ASIC1: variants seen among roughly 807,000 people sequenced by gnomAD.
The protein encoded by ASIC1 is acid-sensing ion channel 1.
ASIC1 carries 21 observed loss-of-function variants against 63.4 expected under a neutral mutation model. The ratio of observed to expected loss-of-function variants is 0.33; its 90% CI spans 0.23 to 0.48. ASIC1 has a LOEUF of 0.48. Among genes scored for constraint, ASIC1 ranks in the 20% least tolerant of loss-of-function variants. The pLI is 0.99. For missense variants in ASIC1, 478 were observed against 695.5 expected (o/e 0.69, Z 3.52); for synonymous variants, 258 against 278.2 (o/e 0.93, Z 0.72).
At chr12:50,080,971 G>T in intron 9 of ASIC1, 131 bp from the exon 10 acceptor site, 1 of 911,018 alleles carries the variant, frequency 1.1e-6, no homozygotes, top group South Asian at 1.6e-5. Context: ...CCTGAATCTG[G>T]CTTTGCGATC....
intron 9 of ASIC1, chr12:50,080,899 C>T: frequency 2.4e-6 from 2 of 829,344 alleles, no homozygotes; most frequent in South Asian, 1.6e-5. Context: ...TTGAAAAACA[C>T]CTGCTTGTTT....
intron 3 of ASIC1, among the ~76,000 whole-genome samples, chr12:50,060,550 G>A (rs1390159668): frequency 6.6e-6 from 1 of 152,236 alleles, no homozygotes; most frequent in Non-Finnish European, 1.5e-5. Flanking sequence ...CACATACACT[G>A]TTTGGTTAGG....
At chr12:50,062,140 T>A (rs1001622284) in intron 3 of ASIC1, among the ~76,000 whole-genome samples, 5 of 152,184 alleles carry the variant, frequency 3.3e-5, no homozygotes, top group Non-Finnish European at 5.9e-5. Flanking sequence ...CCCATAGGGA[T>A]GTTCCCACAC....
chr12:50,077,431 G>A, intron 4 of ASIC1, 68 bp downstream of exon 4: 2 of 1,597,292 alleles, frequency 1.3e-6, no homozygotes, highest in Non-Finnish European at 1.7e-6. Flanking sequence ...GGGATTCCTG[G>A]GCTTCACTGT....
chr12:50,077,106 A>G (rs778032982), intron 3 of ASIC1, 107 bp from the exon 4 acceptor site: 1 of 1,564,472 alleles, frequency 6.4e-7, no homozygotes, highest in Non-Finnish European at 8.8e-7. Flanking sequence ...GGGAGGAACC[A>G]TTCCCAAAGG....
intron 3 of ASIC1, among the ~76,000 whole-genome samples, chr12:50,061,270 T>C (rs911971219): frequency 2.6e-5 from 4 of 152,206 alleles, no homozygotes; most frequent in Non-Finnish European, 5.9e-5. Flanking sequence ...GCTTAGTGTT[T>C]CTAGCTGTGC....
At chr12:50,080,417 G>C in intron 8 of ASIC1, 81 bp from the exon 9 acceptor site, 1 of 1,337,708 alleles carries the variant, frequency 7.5e-7, no homozygotes, top group Non-Finnish European at 1.1e-6. Context: ...ATTCAGAGAG[G>C]CTGCCTTGCC....
intron 3 of ASIC1, among the ~76,000 whole-genome samples, chr12:50,067,185 C>G (rs892166929): frequency 6.6e-6 from 1 of 152,134 alleles, no homozygotes; most frequent in Non-Finnish European, 1.5e-5. Context: ...TTACAAAGTT[C>G]CTAAAAGTGA....
chr12:50,058,437 T>C (rs1030076516), intron 1 of ASIC1, among the ~76,000 whole-genome samples: 1 of 152,186 alleles, frequency 6.6e-6, no homozygotes, highest in Non-Finnish European at 1.5e-5. Flanking sequence ...TGGAGGGAAC[T>C]CCTGCGCCTG....
chr12:50,071,596 G>A lies in ASIC1; in HGVS notation c.559-5617G>A, dbSNP rs117537561. On this transcript the variant is annotated intron_variant, in intron 3 of 11. Coordinates refer to ENST00000447966, the MANE Select transcript of ASIC1 (RefSeq NM_001095.4). ...CACGCCTGGCTGCTTTCAGCTTTGT[G>A]GGGCTACAAGAGAGGACTAAATTTT... Among the ~76,000 whole-genome samples the A allele has an allele frequency of 1.5e-3, 222 of 152,104 alleles. 1 individual carries two copies. The highest frequency in any genetic ancestry group is 2.3e-3 in the Non-Finnish European group (156 of 67,986).
chr12:50,063,428 G>A (rs958959471), intron 3 of ASIC1, among the ~76,000 whole-genome samples: 17 of 152,314 alleles, frequency 1.1e-4, no homozygotes, highest in Admixed American at 3.3e-4. Context: ...TTTGCCTAGC[G>A]GAGAGAGAAG....
chr12:50,057,975 A>T lies in ASIC1; in HGVS notation c.-17+59A>T, dbSNP rs1274171083. On this transcript the variant is annotated intron_variant, in intron 1 of 11. Transcript: ENST00000447966. The surrounding 1 kb of genome is among the most constrained non-coding windows in gnomAD (Gnocchi z 4.7). ...GGCTCCTCGGTACCCCGAAGCCGGG[A>T]CTCTCCTCCCTCTGGATTTCCCTTG... The T allele has an allele frequency of 6.9e-6, 1 of 145,184 alleles. No individual in the cohort carries two copies. The highest frequency in any genetic ancestry group is 1.5e-5 in the Non-Finnish European group (1 of 66,726). The allele number at this position is 145,184 out of a possible 1,614,324, so 9.0% of individuals were successfully genotyped here.
intron 3 of ASIC1, among the ~76,000 whole-genome samples, chr12:50,065,787 G>T (rs1024955663): frequency 3.3e-5 from 5 of 152,200 alleles, no homozygotes; most frequent in African/African-American, 1.2e-4. Context: ...CAGTTCTGGG[G>T]GCCCAGGAGG....
In ASIC1 at chr12:50,081,253, G is replaced by A. The variant is rs750476772; in HGVS notation, c.1378-7G>A. Reference sequence around the variant, plus strand: ...CAGCCCGCCCACCTGCCCCGTCCCCGTCCTAGGTCATTAAGCACAAGCTGT... The same window carrying A: ...CAGCCCGCCCACCTGCCCCGTCCCCATCCTAGGTCATTAAGCACAAGCTGT... On this transcript the variant is annotated splice_region_variant and splice_polypyrimidine_tract_variant and intron_variant, in intron 10 of 11. Coordinates refer to ENST00000447966, the MANE Select transcript of ASIC1 (RefSeq NM_001095.4). 2.5e-6 allele frequency: 4 copies of A among 1,606,162 alleles called. No homozygotes were observed. Among genetic ancestry groups the A allele is most frequent in the South Asian group, 2.2e-5 (2 of 89,690 alleles).
At position 50,078,265 on chromosome 12, in the gene ASIC1, A is replaced by C; in HGVS notation, c.837+138A>C. Reference sequence around the variant, plus strand: ...GGCTAGTCAGAAGCATGAGTGATCGAATGAACAAGAATGCTCTGTAAACTC... The same window carrying C: ...GGCTAGTCAGAAGCATGAGTGATCGCATGAACAAGAATGCTCTGTAAACTC... On this transcript the variant is annotated intron_variant, in intron 5 of 11. Coordinates refer to ENST00000447966, the MANE Select transcript of ASIC1 (RefSeq NM_001095.4). This position sits in a 1 kb window ranked among gnomAD's most constrained non-coding sequence, Gnocchi z 6.0. 6.7e-7 allele frequency: 1 copy of C among 1,502,136 alleles called. No homozygotes were observed. Among genetic ancestry groups the C allele is most frequent in the Admixed American group, 2.0e-5 (1 of 49,060 alleles). The allele number at this position is 1,502,136 out of a possible 1,614,324, so 93.1% of individuals were successfully genotyped here.
chr12:50,063,356 G>A (rs2035117613), intron 3 of ASIC1, among the ~76,000 whole-genome samples: 1 of 152,192 alleles, frequency 6.6e-6, no homozygotes, highest in Admixed American at 6.5e-5. Flanking sequence ...AAGGGGAGGG[G>A]GCTGGCAGAT....
Position 50,081,353 on chromosome 12 carries a change from G to A in ASIC1, c.1471G>A (p.Val491Ile), listed in dbSNP as rs755142040. 53 of 1,604,044 alleles carry A rather than the reference G, an allele frequency of 3.3e-5. No homozygotes were observed. The East Asian group carries it at 3.8e-4, about 12-fold the overall frequency. The change falls in exon 11 of 12, where the codon GTC (valine) becomes ATC (isoleucine). Residue 491 changes from valine to isoleucine, a missense_variant. Physicochemically the swap from Val to Ile is conservative, Grantham distance 29. Around this residue, in one of 3 missense-constraint regions of ASIC1, gnomAD observed 104 missense variants for 97.0 expected, o/e 1.07. Transcript: ENST00000447966. ...DKGVALSLDD[V>I]KRHNPCESLR... is the part of the protein sequence containing the mutation. ...GGGCGTGGCCCTCAGCCTGGACGAC[G>A]TCAAAAGACACGTGAGGGAGCGAGC...
intron 9 of ASIC1, 92 bp from the exon 10 acceptor site, chr12:50,081,010 G>A: frequency 1.7e-6 from 2 of 1,182,776 alleles, no homozygotes; most frequent in South Asian, 2.7e-5. Flanking sequence ...CAATCCCTTT[G>A]AGAATACAAC....
Position 50,059,181 on chromosome 12 carries a change from A to G in ASIC1, c.362+53A>G. ...CTGCTCCTGGAGTTGCTTGAGTTCCAGTCAGGATGTCTGCCTCCCTGACCC... is the reference window on the plus strand; with the variant it reads ...CTGCTCCTGGAGTTGCTTGAGTTCCGGTCAGGATGTCTGCCTCCCTGACCC... On this transcript the variant is annotated intron_variant, in intron 2 of 11. Transcript: ENST00000447966. The surrounding 1 kb of genome is among the most constrained non-coding windows in gnomAD (Gnocchi z 4.6). The G allele has an allele frequency of 1.3e-6, 2 of 1,587,386 alleles. No individual in the cohort carries two copies. The highest frequency in any genetic ancestry group is 1.7e-6 in the Non-Finnish European group (2 of 1,168,896).
Sources: allele counts gnomAD v4.1 joint callset (sites outside exome capture counted in the v4.1 genomes callset), GRCh38; gene constraint gnomAD v4.1.1; regional missense constraint gnomAD v4.1.1; non-coding constraint Gnocchi (gnomAD v3.1); transcripts MANE v1.5; gene names NCBI Gene and HGNC (gene_info 2026-07-23, HGNC 2026-07-21).